Variants in FBXL2 observed in about 807,000 individuals in gnomAD.
The protein encoded by FBXL2 is F-box and leucine rich repeat protein 2, also known as F-box/LRR-repeat protein 2.
In FBXL2, 38 loss-of-function variants were observed where a neutral mutation model predicts 69.2. The observed-to-expected ratio is 0.55, with a 90% CI of 0.42 to 0.72. The LOEUF is 0.72. Among genes scored for constraint, FBXL2 ranks in the 30% least tolerant of loss-of-function variants. The pLI is 0.00. For synonymous variants in FBXL2, 192 were observed against 201.3 expected, an observed-to-expected ratio of 0.95 and a Z score of 0.39; for missense variants, 354 against 520.3, an observed-to-expected ratio of 0.68 and a Z score of 3.11.
At chr3:33,312,857 A>G (rs1204400699) in intron 2 of FBXL2, among the ~76,000 whole-genome samples, 1 of 152,132 alleles carries the variant, frequency 6.6e-6, no homozygotes, top group Non-Finnish European at 1.5e-5. Context: ...GTGGTGGCTC[A>G]CCCCTGTAAT....
At chr3:33,306,241 C>T (rs895882975) in intron 2 of FBXL2, among the ~76,000 whole-genome samples, 3 of 150,394 alleles carry the variant, frequency 2.0e-5, no homozygotes, top group African/African-American at 7.4e-5. Context: ...CTTCTTTGAC[C>T]CATACGTGTT....
At chr3:33,341,666 C>T (rs1418132283) in intron 2 of FBXL2, among the ~76,000 whole-genome samples, 1 of 151,668 alleles carries the variant, frequency 6.6e-6, no homozygotes, top group South Asian at 2.1e-4. Context: ...CCCATCTCTA[C>T]TAAAAATACA....
At chr3:33,312,653 C>G (rs1480036305) in intron 2 of FBXL2, among the ~76,000 whole-genome samples, 1 of 152,038 alleles carries the variant, frequency 6.6e-6, no homozygotes, top group Non-Finnish European at 1.5e-5. Flanking sequence ...AAGCTTTTAG[C>G]TACTATATAT....
chr3:33,299,562 A>G (rs2036078407), intron 2 of FBXL2, among the ~76,000 whole-genome samples: 1 of 152,200 alleles, frequency 6.6e-6, no homozygotes, highest in Non-Finnish European at 1.5e-5. Flanking sequence ...ATTTGCTGTC[A>G]TCAGGTTATT....
chr3:33,394,842 A>G (rs2043912433), intron 12 of FBXL2, among the ~76,000 whole-genome samples: 2 of 148,130 alleles, frequency 1.4e-5, no homozygotes, highest in South Asian at 4.2e-4. Context: ...TTTTTTAAAT[A>G]AAGTTTTACT....
At position 33,387,311 on chromosome 3, in the gene FBXL2, T is replaced by G. The variant is rs1319548491; in HGVS notation, c.*1703T>G. ...TTAGTTTAGTTTCTATTAAAAAAAA[T>G]TAACTTAAGGCTGGCCACGGTGGTT... On this transcript the variant is annotated 3_prime_UTR_variant, in exon 15 of 15. Coordinates refer to ENST00000484457, the MANE Select transcript of FBXL2 (RefSeq NM_012157.5). The G allele has an allele frequency of 6.6e-6, 1 of 152,070 alleles. No homozygotes were observed. The highest frequency in any genetic ancestry group is 1.5e-5 in the Non-Finnish European group (1 of 67,984). 9.4% of individuals were successfully genotyped at this position (152,070 alleles called of 1,614,324 possible). A position where few individuals can be genotyped will look rare whatever the true frequency, so the allele number is the denominator to read the frequency against.
At chr3:33,292,742 A>C (rs143211139) in intron 1 of FBXL2, among the ~76,000 whole-genome samples, 540 of 152,208 alleles carry the variant, frequency 3.5e-3, no homozygotes, top group Admixed American at 7.7e-3. Flanking sequence ...TAAAAAAAAA[A>C]CAAGCAAAAA....
chr3:33,284,262 T>G lies in FBXL2; in HGVS notation c.3+6747T>G, dbSNP rs564629761. ...CTGGTATGTTGTGTCTTTGCTCTCA[T>G]TGGTTTCAAAGAACATCTTTATTTC... is the stretch of plus-strand genomic sequence containing the variant. On this transcript the variant is annotated intron_variant, in intron 1 of 14. Coordinates refer to ENST00000484457, the MANE Select transcript of FBXL2 (RefSeq NM_012157.5). Among the ~76,000 whole-genome samples the G allele has an allele frequency of 7.9e-5, 12 of 152,360 alleles. No individual in the cohort carries two copies. The South Asian group carries it at 1.7e-3, about 21-fold the overall frequency.
chr3:33,355,765 C>G (rs562928789), intron 2 of FBXL2, among the ~76,000 whole-genome samples: 1 of 152,350 alleles, frequency 6.6e-6, no homozygotes, highest in East Asian at 1.9e-4. Context: ...GATAAGGAAG[C>G]ACTTTCTAGG....
At position 33,386,555 on chromosome 3, in the gene FBXL2, C is replaced by T. The variant is rs778527795; in HGVS notation, c.*947C>T. ...CATAGCTACTCAAAAGTTTTACACACTTAAAACTCAGATCAGTAAGTGTTG... is the reference window on the plus strand; with the variant it reads ...CATAGCTACTCAAAAGTTTTACACATTTAAAACTCAGATCAGTAAGTGTTG... On this transcript the variant is annotated 3_prime_UTR_variant, in exon 15 of 15. Transcript: ENST00000484457. 2.6e-5 allele frequency: 4 copies of T among 151,716 alleles called. No homozygotes were observed. Among genetic ancestry groups the T allele is most frequent in the Non-Finnish European group, 5.9e-5 (4 of 67,944 alleles). The allele number at this position is 151,716 out of a possible 1,614,324, so 9.4% of individuals were successfully genotyped here. A position where few individuals can be genotyped will look rare whatever the true frequency, so the allele number is the denominator to read the frequency against.
chr3:33,402,583 T>C (rs919347975), intron 12 of FBXL2, among the ~76,000 whole-genome samples: 1 of 152,156 alleles, frequency 6.6e-6, no homozygotes, highest in African/African-American at 2.4e-5. Context: ...ATTACCATAG[T>C]TGTGACTATG....
At chr3:33,409,312 C>T in the FBXL2 span, 2 of 1,614,128 alleles carry the variant, frequency 1.2e-6, no homozygotes, top group Non-Finnish European at 1.7e-6. Context: ...CATCTTCTCT[C>T]GGTCAGTTTT....
intron 2 of FBXL2, among the ~76,000 whole-genome samples, chr3:33,342,893 GTTTT>G (rs60623868): frequency 1.0e-5 from 1 of 99,306 alleles, no homozygotes; most frequent in African/African-American, 3.9e-5. Flanking sequence ...ACGCCCAGCT[GTTTT>G]TTTTTTTTTT....
Position 33,364,636 on chromosome 3 carries a change from G to A in FBXL2, c.207G>A (p.Val69=). 4 of 1,614,124 alleles carry A rather than the reference G, an allele frequency of 2.5e-6. No homozygotes were observed. Among genetic ancestry groups the A allele is most frequent in the Non-Finnish European group, 3.4e-6 (4 of 1,179,992 alleles). ...TTTCTTGATTAAAGGGTCGAGTGGT[G>A]GAAAATATCTCGAAGCGATGCGGTG... ...NFQTDVEGRV[V]ENISKRCGGF... is the part of the protein sequence containing the mutation. Residue 69 remains valine (V), a synonymous_variant, in exon 5 of 15, where the codon GTG becomes GTA. Transcript: ENST00000484457.
At chr3:33,315,047 T>C (rs1255140324) in intron 2 of FBXL2, among the ~76,000 whole-genome samples, 1 of 152,182 alleles carries the variant, frequency 6.6e-6, no homozygotes, top group Non-Finnish European at 1.5e-5. Context: ...TAAGTTCTTC[T>C]TGAGACTTTT....
At chr3:33,356,571 A>G (rs544656809) in intron 2 of FBXL2, among the ~76,000 whole-genome samples, 99 of 152,080 alleles carry the variant, frequency 6.5e-4, no homozygotes, top group African/African-American at 2.4e-3. Context: ...GTTGATCTCA[A>G]TCTCTTGACC....
At chr3:33,320,020 G>A (rs1037870845) in intron 2 of FBXL2, among the ~76,000 whole-genome samples, 3 of 152,034 alleles carry the variant, frequency 2.0e-5, no homozygotes, top group African/African-American at 7.2e-5. Context: ...GTATAGATAG[G>A]CCCAGTATTA....
At chr3:33,417,413 T>C in the FBXL2 span, among the ~76,000 whole-genome samples, 7 of 152,198 alleles carry the variant, frequency 4.6e-5, no homozygotes, top group Non-Finnish European at 8.8e-5. Flanking sequence ...CCTTGCTTTT[T>C]AAACTTAGCA....
At chr3:33,405,913 T>C (rs1477053481), downstream of FBXL2, among the ~76,000 whole-genome samples, 3 of 152,096 alleles carry the variant, frequency 2.0e-5, no homozygotes, top group Non-Finnish European at 2.9e-5. Flanking sequence ...TCAAAAGCAA[T>C]GGATACATGG....
Sources: gnomAD v4.1 joint callset for allele counts (sites outside exome capture counted in the v4.1 genomes callset) on GRCh38, gnomAD v4.1.1 for gene constraint, MANE v1.5 for transcripts, NCBI Gene and HGNC (gene_info 2026-07-23, HGNC 2026-07-21) for gene names.